Variants in GABRB3 observed in about 807,000 individuals in gnomAD.
The protein encoded by GABRB3 is gamma-aminobutyric acid receptor subunit beta-3.
Under a neutral mutation model 52.1 loss-of-function variants are expected in GABRB3, and 14 were observed. The ratio of observed to expected loss-of-function variants is 0.27; its 90% CI spans 0.18 to 0.42. The LOEUF is 0.42. Ranked by LOEUF, GABRB3 falls within the 10% of genes least tolerant of loss-of-function variation. GABRB3 has a pLI of 1.00. For synonymous variants in GABRB3, 260 were observed against 232.3 expected (o/e 1.12, Z -1.08); for missense variants, 307 against 609.1 (o/e 0.50, Z 5.22).
chr15:26,758,345 C>G (rs1890719266), intron 3 of GABRB3, among the ~76,000 whole-genome samples: 1 of 152,094 alleles, frequency 6.6e-6, no homozygotes, highest in Non-Finnish European at 1.5e-5. Flanking sequence ...TTCCTGTCAG[C>G]CTTTGTTTAA....
chr15:26,763,751 G>A (rs1890887453), intron 3 of GABRB3, among the ~76,000 whole-genome samples: 1 of 152,016 alleles, frequency 6.6e-6, no homozygotes, highest in Admixed American at 6.6e-5. Flanking sequence ...GTGATGTTGA[G>A]CTAACTGACA....
chr15:26,622,101 G>C (rs1255557790), intron 3 of GABRB3, among the ~76,000 whole-genome samples: 1 of 152,020 alleles, frequency 6.6e-6, no homozygotes, highest in East Asian at 1.9e-4. Flanking sequence ...CCAGCTTGCC[G>C]TGGCCATTTC....
intron 3 of GABRB3, among the ~76,000 whole-genome samples, chr15:26,768,235 A>G (rs1178972757): frequency 6.6e-6 from 1 of 152,198 alleles, no homozygotes; most frequent in African/African-American, 2.4e-5. Flanking sequence ...ATTAGGATTG[A>G]GTTAATTTTA....
At chr15:26,724,956 C>G (rs1023768882) in intron 3 of GABRB3, among the ~76,000 whole-genome samples, 1 of 152,146 alleles carries the variant, frequency 6.6e-6, no homozygotes, top group Non-Finnish European at 1.5e-5. Context: ...AAATTTATGA[C>G]CCTTGACATT....
intron 3 of GABRB3, among the ~76,000 whole-genome samples, chr15:26,748,736 T>C (rs1890418126): frequency 1.3e-5 from 2 of 152,136 alleles, no homozygotes; most frequent in African/African-American, 4.8e-5. Context: ...TTACATCTGC[T>C]TGGTTTGGGC....
chr15:26,732,305 G>C (rs1889946954), intron 3 of GABRB3, among the ~76,000 whole-genome samples: 1 of 76,934 alleles, frequency 1.3e-5, no homozygotes, highest in Non-Finnish European at 2.9e-5. Context: ...TGGATGGATG[G>C]ATGGATGGAT....
rs771265526 is a variant in GABRB3, at chr15:26,629,003, T to A, written c.241-7469A>T. 2.1e-5 allele frequency: 33 copies of A among 1,536,158 alleles called. No homozygotes were observed. The South Asian group carries it at 3.9e-4, about 18-fold the overall frequency. On this transcript the variant is annotated intron_variant, in intron 3 of 8. Coordinates refer to ENST00000311550, the MANE Select transcript of GABRB3 (RefSeq NM_000814.6). ...TCTTCTGTCTGGTAGGTGGCCCACATGGGGACACGAGGGAGTCTCCCGGTA... is the reference window on the plus strand; with the variant it reads ...TCTTCTGTCTGGTAGGTGGCCCACAAGGGGACACGAGGGAGTCTCCCGGTA...
At chr15:26,630,314 T>C (rs761662128) in intron 3 of GABRB3, among the ~76,000 whole-genome samples, 2 of 152,054 alleles carry the variant, frequency 1.3e-5, no homozygotes, top group Admixed American at 6.6e-5. Flanking sequence ...CCTGTGGACA[T>C]TGCAGCCCTG....
chr15:26,752,898 C>A (rs1011715315), intron 3 of GABRB3, among the ~76,000 whole-genome samples: 1 of 152,178 alleles, frequency 6.6e-6, no homozygotes, highest in Non-Finnish European at 1.5e-5. Flanking sequence ...CTGGGCAATG[C>A]TTTCCTTGAA....
intron 3 of GABRB3, among the ~76,000 whole-genome samples, chr15:26,738,052 T>A (rs1890109615): frequency 6.6e-6 from 1 of 151,982 alleles, no homozygotes; most frequent in Non-Finnish European, 1.5e-5. Flanking sequence ...GTCTTCGGCT[T>A]ATGTTTTGTT....
At chr15:26,566,897 TGG>T (rs1310943999) in intron 7 of GABRB3, among the ~76,000 whole-genome samples, 4 of 152,232 alleles carry the variant, frequency 2.6e-5, no homozygotes, top group Non-Finnish European at 4.4e-5. Context: ...TCCAAAGGGA[TGG>T]ATTGCAGATT....
intron 3 of GABRB3, among the ~76,000 whole-genome samples, chr15:26,708,204 C>A (rs1889168285): frequency 6.6e-6 from 1 of 152,182 alleles, no homozygotes; most frequent in Non-Finnish European, 1.5e-5. Context: ...GAGTTTGAAT[C>A]TTTAAAAGGA....
chr15:26,645,902 G>A (rs953860451), intron 3 of GABRB3, among the ~76,000 whole-genome samples: 7 of 151,922 alleles, frequency 4.6e-5, no homozygotes, highest in South Asian at 2.1e-4. Flanking sequence ...TTTGTAGACC[G>A]CCTGATGGAG....
intron 3 of GABRB3, among the ~76,000 whole-genome samples, chr15:26,739,644 T>C (rs1390237303): frequency 1.3e-5 from 2 of 152,088 alleles, no homozygotes; most frequent in Non-Finnish European, 2.9e-5. Flanking sequence ...AGACTATAAA[T>C]TTGGAAAAAT....
At chr15:26,633,551 G>C (rs574925483) in intron 3 of GABRB3, among the ~76,000 whole-genome samples, 8 of 152,270 alleles carry the variant, frequency 5.3e-5, no homozygotes, top group African/African-American at 1.9e-4. Context: ...ACTCCATCTT[G>C]GTTCTTTCAC....
intron 3 of GABRB3, among the ~76,000 whole-genome samples, chr15:26,724,273 T>C (rs1319468854): frequency 1.3e-5 from 2 of 152,022 alleles, no homozygotes; most frequent in Admixed American, 1.3e-4. Context: ...AGCTGAGAAA[T>C]AAAAATGAAA....
rs544505962 is a variant in GABRB3 at position 26,598,708 on chromosome 15, G to A, written c.462-15294C>T. Among the ~76,000 whole-genome samples, 32 of 152,274 alleles carry A rather than the reference G, an allele frequency of 2.1e-4. 1 individual carries two copies. In the South Asian group the frequency reaches 5.2e-3, roughly 25 times the overall value. On this transcript the variant is annotated intron_variant, in intron 4 of 8. Coordinates refer to ENST00000311550, the MANE Select transcript of GABRB3 (RefSeq NM_000814.6). ...AGCATTTGGAAAGGCTTCCCAGGAAGCTCACCCTAGTTTCACCTCACAAAG... is the reference window on the plus strand; with the variant it reads ...AGCATTTGGAAAGGCTTCCCAGGAAACTCACCCTAGTTTCACCTCACAAAG...
At chr15:26,652,077 T>C (rs1742932944) in intron 3 of GABRB3, among the ~76,000 whole-genome samples, 1 of 152,174 alleles carries the variant, frequency 6.6e-6, no homozygotes. Flanking sequence ...AGCCTTCCTC[T>C]ACATAACAAG....
intron 3 of GABRB3, among the ~76,000 whole-genome samples, chr15:26,738,969 C>T (rs1025132421): frequency 6.6e-6 from 1 of 152,156 alleles, no homozygotes; most frequent in Non-Finnish European, 1.5e-5. Flanking sequence ...GTATTCAGCA[C>T]GTGCAGTTTT....
Sources: gnomAD v4.1 joint callset for allele counts (sites outside exome capture counted in the v4.1 genomes callset) on GRCh38, gnomAD v4.1.1 for gene constraint, MANE v1.5 for transcripts, NCBI Gene and HGNC (gene_info 2026-07-23, HGNC 2026-07-21) for gene names.